DPP6: variants seen among roughly 807,000 people sequenced by gnomAD.
DPP6 encodes the protein A-type potassium channel modulatory protein DPP6.
DPP6 carries 69 observed loss-of-function variants against 122.6 expected under a neutral mutation model. The ratio of observed to expected loss-of-function variants is 0.56; its 90% CI spans 0.46 to 0.69. DPP6 has a LOEUF of 0.69. DPP6 is among the 30% of genes least tolerant of loss of function. DPP6 has a pLI of 0.00. For synonymous variants in DPP6, 418 were observed against 433.1 expected, an observed-to-expected ratio of 0.97 and a Z score of 0.43; for missense variants, 928 against 1,116.9, an observed-to-expected ratio of 0.83 and a Z score of 2.41.
At chr7:154,307,081 G>A (rs375334234) in intron 1 of DPP6, among the ~76,000 whole-genome samples, 2 of 152,084 alleles carry the variant, frequency 1.3e-5, no homozygotes, top group East Asian at 1.9e-4. Flanking sequence ...GTGCATTGCT[G>A]TTCATAGGTC....
intron 8 of DPP6, among the ~76,000 whole-genome samples, chr7:154,748,077 G>T (rs113847182): frequency 2.0e-5 from 3 of 152,154 alleles, no homozygotes; most frequent in African/African-American, 7.2e-5. Context: ...GGAGACACTC[G>T]GAACTCAACA....
intron 1 of DPP6, among the ~76,000 whole-genome samples, chr7:154,291,079 C>T (rs893037269): frequency 2.6e-5 from 4 of 152,180 alleles, no homozygotes; most frequent in Non-Finnish European, 5.9e-5. Flanking sequence ...ACCTAGTTTG[C>T]AGCCACCGCT....
At chr7:154,659,299 G>T (rs550463806) in intron 6 of DPP6, among the ~76,000 whole-genome samples, 3 of 152,258 alleles carry the variant, frequency 2.0e-5, no homozygotes, top group South Asian at 4.1e-4. Flanking sequence ...ATATTACTGG[G>T]CCTTTAAAAG....
intron 5 of DPP6, among the ~76,000 whole-genome samples, chr7:154,613,833 G>A (rs191578391): frequency 2.3e-4 from 35 of 152,092 alleles, no homozygotes; most frequent in Middle Eastern, 3.4e-3. Context: ...TTCCCCAAAC[G>A]TCCTACCTTC....
chr7:154,359,241 G>A (rs1242881488), intron 1 of DPP6, among the ~76,000 whole-genome samples: 1 of 152,182 alleles, frequency 6.6e-6, no homozygotes. Flanking sequence ...TGCAATATCA[G>A]TCATGTGAAG....
Position 154,481,497 on chromosome 7 carries a change from G to A in DPP6, c.457+6460G>A, listed in dbSNP as rs116908317. On this transcript the variant is annotated intron_variant, in intron 3 of 25. Transcript: ENST00000377770. This position sits in a 1 kb window ranked among gnomAD's most constrained non-coding sequence, Gnocchi z 4.2. ...CCCCCAACCTCTTCACAGACCCCCC[G>A]CTGCCCACTGTGCGAGCACAGCCCT... is the stretch of plus-strand genomic sequence containing the variant. 9.0e-4 allele frequency among the ~76,000 whole-genome samples: 85 copies of A among 94,370 alleles called. No homozygotes were observed. In the East Asian group the frequency reaches 0.021, roughly 24 times the overall value. 61.9% of individuals were successfully genotyped at this position (94,370 alleles called of 152,430 possible). A position where few individuals can be genotyped will look rare whatever the true frequency, so the allele number is the denominator to read the frequency against.
intron 1 of DPP6, among the ~76,000 whole-genome samples, chr7:154,231,772 A>C (rs552834007): frequency 1.3e-5 from 2 of 152,258 alleles, no homozygotes; most frequent in East Asian, 3.9e-4. Context: ...TTACAGCCTA[A>C]AGGCTCCAGG....
chr7:154,017,378 TCAA>T (rs1218446597), intron 1 of DPP6, among the ~76,000 whole-genome samples: 1 of 152,134 alleles, frequency 6.6e-6, no homozygotes, highest in Non-Finnish European at 1.5e-5. Context: ...CCGTGCCCAG[TCAA>T]CAATAATTTA....
intron 1 of DPP6, among the ~76,000 whole-genome samples, chr7:154,263,369 C>G (rs1803161850): frequency 6.6e-6 from 1 of 152,186 alleles, no homozygotes; most frequent in African/African-American, 2.4e-5. Context: ...AACAGGTTAG[C>G]TTCTGTTTAT....
At chr7:154,204,932 T>G (rs1482372993) in intron 1 of DPP6, among the ~76,000 whole-genome samples, 1 of 152,306 alleles carries the variant, frequency 6.6e-6, no homozygotes, top group East Asian at 1.9e-4. Flanking sequence ...AGTCACTCTT[T>G]CCTGCACTGA....
At chr7:154,656,153 C>T (rs1368929979) in intron 6 of DPP6, among the ~76,000 whole-genome samples, 3 of 146,328 alleles carry the variant, frequency 2.1e-5, no homozygotes, top group Admixed American at 7.0e-5. Context: ...CCCACAGAGA[C>T]GAGGACCAGA....
intron 1 of DPP6, among the ~76,000 whole-genome samples, chr7:154,059,719 C>G (rs552259818): frequency 6.6e-6 from 1 of 151,128 alleles, no homozygotes; most frequent in East Asian, 2.0e-4. Flanking sequence ...TGGGGCTACC[C>G]GATCTGACAA....
intron 1 of DPP6, among the ~76,000 whole-genome samples, chr7:154,350,026 C>G (rs1055523932): frequency 6.6e-6 from 1 of 152,132 alleles, no homozygotes; most frequent in Non-Finnish European, 1.5e-5. Context: ...AGGAGGAGGA[C>G]AGGCAGACCT....
chr7:154,732,630 T>C (rs995966649), intron 8 of DPP6, among the ~76,000 whole-genome samples: 1 of 152,156 alleles, frequency 6.6e-6, no homozygotes, highest in African/African-American at 2.4e-5. Flanking sequence ...CCTGGAGTCA[T>C]CAGCCTGGGA....
At chr7:154,147,251 G>C (rs1195160090) in intron 1 of DPP6, among the ~76,000 whole-genome samples, 1 of 152,144 alleles carries the variant, frequency 6.6e-6, no homozygotes, top group Non-Finnish European at 1.5e-5. Context: ...TCCTCTCTCT[G>C]TGACCTTCAC....
chr7:154,220,818 G>A (rs1179434689), intron 1 of DPP6, among the ~76,000 whole-genome samples: 2 of 152,208 alleles, frequency 1.3e-5, no homozygotes, highest in African/African-American at 4.8e-5. Context: ...AAATACCTGT[G>A]TCCTCTTCCT....
intron 1 of DPP6, among the ~76,000 whole-genome samples, chr7:153,917,142 T>G (rs932027608): frequency 6.6e-6 from 1 of 152,216 alleles, no homozygotes; most frequent in Non-Finnish European, 1.5e-5. Context: ...ATCTGTGAGC[T>G]GTGCTTTAAG....
At chr7:153,849,278 T>A in the DPP6 span, among the ~76,000 whole-genome samples, 3 of 150,944 alleles carry the variant, frequency 2.0e-5, no homozygotes, top group Admixed American at 6.6e-5. Flanking sequence ...ATGTTTTCTT[T>A]TTTTTTTTTT....
chr7:154,135,925 C>T (rs575223286), intron 1 of DPP6, among the ~76,000 whole-genome samples: 162 of 150,976 alleles, frequency 1.1e-3, no homozygotes, highest in African/African-American at 3.9e-3. Context: ...TGTGAGCCCA[C>T]ACTTCCTCTA....
Sources: allele counts gnomAD v4.1 joint callset (sites outside exome capture counted in the v4.1 genomes callset), GRCh38; gene constraint gnomAD v4.1.1; non-coding constraint Gnocchi (gnomAD v3.1); transcripts MANE v1.5; gene names NCBI Gene and HGNC (gene_info 2026-07-23, HGNC 2026-07-21).